Variants in SNTG1 observed in about 807,000 individuals in gnomAD.
SNTG1 encodes syntrophin gamma 1, also known as gamma-1-syntrophin.
A neutral mutation model predicts 74.7 loss-of-function variants in SNTG1; 39 were observed. That is an observed-to-expected ratio of 0.52 (90% CI 0.40 to 0.68). The LOEUF is 0.68. Ranked by LOEUF, SNTG1 falls within the 30% of genes least tolerant of loss-of-function variation. The probability of loss-of-function intolerance (pLI) is 0.00; values close to 1 mark genes in which losing one functional copy is unlikely to be tolerated. For missense variants in SNTG1, 685 were observed against 609.5 expected, an observed-to-expected ratio of 1.12 and a Z score of -1.30; for synonymous variants, 254 against 217.1, an observed-to-expected ratio of 1.17 and a Z score of -1.49.
In SNTG1 at chr8:50,704,601, A is replaced by AG; in HGVS notation, c.1040_1041insG (p.Asp347GlufsTer3). 1.2e-6 allele frequency: 2 copies of AG among 1,614,104 alleles called. No homozygotes were observed. Among genetic ancestry groups the AG allele is most frequent in the Non-Finnish European group, 1.7e-6 (2 of 1,179,984 alleles). On this transcript the variant is annotated frameshift_variant and splice_region_variant, in exon 16 of 19. Coordinates refer to ENST00000642720, the MANE Select transcript of SNTG1 (RefSeq NM_018967.5). LOFTEE classifies it high-confidence loss of function. ...TGTGTAACTCCAGGTTTTCACCAGG[A>AG]CAGTGACCTGCTGGACCGACGGAAA...
chr8:50,678,480 AGT>A (rs2095318095), intron 15 of SNTG1, among the ~76,000 whole-genome samples: 1 of 152,104 alleles, frequency 6.6e-6, no homozygotes. Context: ...AATGTTTACA[AGT>A]GTGTCAACAT....
chr8:50,184,896 A>AT (rs1452358796), intron 2 of SNTG1, among the ~76,000 whole-genome samples: 1 of 152,170 alleles, frequency 6.6e-6, no homozygotes, highest in Non-Finnish European at 1.5e-5. Context: ...AATGACAGTT[A>AT]TTTATTACTG....
rs191651765 is a variant in SNTG1 at position 50,667,233 on chromosome 8, G to A, written c.1038+8570G>A. Among the ~76,000 whole-genome samples, 31 of 152,120 alleles carry A rather than the reference G, an allele frequency of 2.0e-4. No homozygotes were observed. The East Asian group carries it at 2.9e-3, about 14-fold the overall frequency. On this transcript the variant is annotated intron_variant, in intron 15 of 18. Transcript: ENST00000642720. The stretch of plus-strand genomic sequence containing the variant: ...TAATTTATGTGAAGAATCATTTTAC[G>A]ATAGAATTTTATATCAATGGCAGGT...
rs140523547 is a variant in SNTG1 at position 50,552,079 on chromosome 8, T to C, written c.681-971T>C. On this transcript the variant is annotated intron_variant, in intron 11 of 18. Transcript: ENST00000642720. Reference sequence around the variant, plus strand: ...AACATATAAATTTACACATTTTACATAGCATTTTGAATACTGAATTGCAAA... The same window carrying C: ...AACATATAAATTTACACATTTTACACAGCATTTTGAATACTGAATTGCAAA... Among the ~76,000 whole-genome samples the C allele has an allele frequency of 3.8e-3, 582 of 152,318 alleles. 4 individuals are homozygous for C. Among genetic ancestry groups the C allele is most frequent in the African/African-American group, 0.013 (546 of 41,572 alleles).
chr8:50,192,680 T>G (rs937173363), intron 2 of SNTG1, among the ~76,000 whole-genome samples: 1 of 152,108 alleles, frequency 6.6e-6, no homozygotes, highest in African/African-American at 2.4e-5. Context: ...TTTTTTTTTT[T>G]TAATTGCATT....
At chr8:50,482,570 C>G (rs2093749817) in intron 8 of SNTG1, among the ~76,000 whole-genome samples, 1 of 152,142 alleles carries the variant, frequency 6.6e-6, no homozygotes, top group South Asian at 2.1e-4. Context: ...CCATTTCAAT[C>G]TTAGGTCTGA....
At chr8:50,610,026 C>T (rs2094839296) in intron 13 of SNTG1, among the ~76,000 whole-genome samples, 1 of 152,022 alleles carries the variant, frequency 6.6e-6, no homozygotes. Context: ...CTTTCTTCTT[C>T]GTTTTCTTGT....
At chr8:50,550,766 T>C (rs1416870520) in intron 11 of SNTG1, among the ~76,000 whole-genome samples, 1 of 152,100 alleles carries the variant, frequency 6.6e-6, no homozygotes, top group Non-Finnish European at 1.5e-5. Context: ...AAAAGTTTAA[T>C]GTCTCACAAT....
intron 15 of SNTG1, among the ~76,000 whole-genome samples, chr8:50,686,182 C>T (rs1302718881): frequency 6.6e-6 from 1 of 152,132 alleles, no homozygotes; most frequent in Non-Finnish European, 1.5e-5. Context: ...GAACTTAAGG[C>T]AGGTACTATC....
intron 1 of SNTG1, among the ~76,000 whole-genome samples, chr8:49,956,570 T>C (rs1585652304): frequency 6.6e-6 from 1 of 152,244 alleles, no homozygotes; most frequent in Non-Finnish European, 1.5e-5. Context: ...TTAAAAATTG[T>C]ACTTTTGTTG....
At chr8:50,229,378 AT>A (rs1291236445) in intron 2 of SNTG1, among the ~76,000 whole-genome samples, 1 of 151,594 alleles carries the variant, frequency 6.6e-6, no homozygotes, top group African/African-American at 2.4e-5. Context: ...AAAGAATTAA[AT>A]AGTTTAACTA....
At chr8:50,330,661 T>G (rs2090927520) in intron 2 of SNTG1, among the ~76,000 whole-genome samples, 1 of 152,138 alleles carries the variant, frequency 6.6e-6, no homozygotes, top group African/African-American at 2.4e-5. Context: ...ACTGGGTAAT[T>G]GATAAAGGAA....
chr8:50,693,847 C>A (rs929785841), intron 15 of SNTG1, among the ~76,000 whole-genome samples: 2 of 152,074 alleles, frequency 1.3e-5, no homozygotes, highest in Non-Finnish European at 2.9e-5. Flanking sequence ...AAACAACATG[C>A]TCCTGAACAA....
At chr8:50,783,566 G>A (rs1474797029) in intron 18 of SNTG1, among the ~76,000 whole-genome samples, 4 of 152,192 alleles carry the variant, frequency 2.6e-5, no homozygotes, top group Admixed American at 6.5e-5. Flanking sequence ...CAGTATTCGG[G>A]TGGGAGTGAC....
intron 1 of SNTG1, among the ~76,000 whole-genome samples, chr8:50,115,576 A>AAACAAAAAAAAAAAAAAAAAAC (rs1554580680): frequency 1.2e-5 from 1 of 82,800 alleles, no homozygotes; most frequent in Non-Finnish European, 2.7e-5. Context: ...TCAAAAAAAA[A>AAACAAAAAAAAAAAAAAAAAAC]AAAAAAAAAA....
At chr8:50,099,509 A>C (rs1298473562) in intron 1 of SNTG1, among the ~76,000 whole-genome samples, 1 of 152,120 alleles carries the variant, frequency 6.6e-6, no homozygotes, top group African/African-American at 2.4e-5. Context: ...ATAGATATCC[A>C]GAGGTAGGAT....
At chr8:50,687,298 T>A (rs2095357020) in intron 15 of SNTG1, among the ~76,000 whole-genome samples, 1 of 151,388 alleles carries the variant, frequency 6.6e-6, no homozygotes, top group South Asian at 2.1e-4. Flanking sequence ...CAGTAGTAAA[T>A]CCTTAACTAT....
chr8:50,045,281 T>A (rs1410667031), intron 1 of SNTG1, among the ~76,000 whole-genome samples: 1 of 152,320 alleles, frequency 6.6e-6, no homozygotes, highest in Admixed American at 6.5e-5. Context: ...CAAGCATGGC[T>A]CCAGCATCTG....
At chr8:50,442,206 T>A (rs928182209) in intron 5 of SNTG1, among the ~76,000 whole-genome samples, 1 of 152,202 alleles carries the variant, frequency 6.6e-6, no homozygotes, top group African/African-American at 2.4e-5. Context: ...CCTTCCTGGT[T>A]GTGCTACTTT....
Sources: allele counts gnomAD v4.1 joint callset (sites outside exome capture counted in the v4.1 genomes callset), GRCh38; gene constraint gnomAD v4.1.1; transcripts MANE v1.5; gene names NCBI Gene and HGNC (gene_info 2026-07-23, HGNC 2026-07-21).